The following SLC30A7 variants were observed in gnomAD, a reference collection of about 807,000 sequenced individuals.
The protein encoded by SLC30A7 is solute carrier family 30 member 7, also known as zinc transporter 7.
In SLC30A7, 35 loss-of-function variants were observed where a neutral mutation model predicts 46.0. The ratio of observed to expected loss-of-function variants is 0.76; its 90% CI spans 0.58 to 1.01. The LOEUF is 1.01. Among genes scored for constraint, SLC30A7 ranks in the 50% least tolerant of loss-of-function variants. SLC30A7 has a pLI of 0.00. For synonymous variants in SLC30A7, 147 were observed against 157.8 expected (o/e 0.93, Z 0.51); for missense variants, 464 against 451.1 (o/e 1.03, Z -0.26).
the SLC30A7 span, chr1:100,990,605 C>G: frequency 6.2e-7 from 1 of 1,613,944 alleles, no homozygotes; most frequent in Non-Finnish European, 8.5e-7. Flanking sequence ...CTGGCTAAGC[C>G]AACACAAAGT....
At chr1:100,990,344 C>T in the SLC30A7 span, 3 of 1,450,902 alleles carry the variant, frequency 2.1e-6, no homozygotes, top group South Asian at 1.2e-5. Flanking sequence ...GGTGGGGATA[C>T]ATCCAAACCA....
Position 100,976,561 on chromosome 1 carries a change from TA to T in SLC30A7, c.*1705del, listed in dbSNP as rs1558014405. On this transcript the variant is annotated 3_prime_UTR_variant, in exon 11 of 11. Transcript: ENST00000357650. ...AAGAGAAAATGATCTGATTTTCCCT[TA>T]TACTTCATTTTACAATACATATTCC... 1 of 152,346 alleles carries T rather than the reference TA, an allele frequency of 6.6e-6. No individual in the cohort carries two copies. The highest frequency in any genetic ancestry group is 1.9e-4 in the East Asian group (1 of 5,192). The allele number at this position is 152,346 out of a possible 1,614,324, so 9.4% of individuals were successfully genotyped here.
chr1:100,941,678 C>T, intron 8 of SLC30A7: 1 of 634,982 alleles, frequency 1.6e-6, no homozygotes, highest in Admixed American at 1.8e-5. Flanking sequence ...CTCTGAGAGT[C>T]TTCTCTTGAG....
Position 100,980,933 on chromosome 1 carries a change from C to T in SLC30A7, c.*6076C>T, listed in dbSNP as rs1338354279. ...GTCATCCAAAATGAAAGAGGTCTTT[C>T]TTGAAGGTGCTTTAAAGACATCACT... On this transcript the variant is annotated 3_prime_UTR_variant, in exon 11 of 11. Transcript: ENST00000357650. 6.6e-6 allele frequency: 1 copy of T among 152,020 alleles called. No homozygotes were observed. Among genetic ancestry groups the T allele is most frequent in the East Asian group, 1.9e-4 (1 of 5,198 alleles). 9.4% of individuals were successfully genotyped at this position (152,020 alleles called of 1,614,324 possible). A position where few individuals can be genotyped will look rare whatever the true frequency, so the allele number is the denominator to read the frequency against.
downstream of SLC30A7, among the ~76,000 whole-genome samples, chr1:100,983,382 A>C (rs1427888035): frequency 3.3e-4 from 48 of 144,228 alleles, 1 homozygote; most frequent in Non-Finnish European, 6.2e-4. Flanking sequence ...AGGCAAAAAA[A>C]AAAAAAAACA....
At chr1:100,955,191 A>C (rs1655163302) in intron 8 of SLC30A7, among the ~76,000 whole-genome samples, 1 of 151,998 alleles carries the variant, frequency 6.6e-6, no homozygotes, top group South Asian at 2.1e-4. Flanking sequence ...TGGTTTGTTT[A>C]TAATTACTGG....
intron 8 of SLC30A7, among the ~76,000 whole-genome samples, chr1:100,939,423 T>C (rs1654202341): frequency 1.3e-5 from 2 of 152,142 alleles, no homozygotes; most frequent in Admixed American, 1.3e-4. Flanking sequence ...ACCTCTTCAG[T>C]AGCAACAACA....
intron 8 of SLC30A7, among the ~76,000 whole-genome samples, chr1:100,939,896 A>G (rs1048615910): frequency 6.6e-6 from 1 of 152,048 alleles, no homozygotes; most frequent in African/African-American, 2.4e-5. Context: ...GTTTATTTAT[A>G]AAAGTTTTAA....
chr1:100,909,503 C>T (rs554003876), intron 3 of SLC30A7, among the ~76,000 whole-genome samples: 148 of 152,206 alleles, frequency 9.7e-4, no homozygotes, highest in African/African-American at 3.5e-3. Flanking sequence ...AGAATCTAAA[C>T]ACTAGCCATA....
intron 2 of SLC30A7, among the ~76,000 whole-genome samples, chr1:100,900,987 T>C (rs1651270823): frequency 6.6e-6 from 1 of 152,230 alleles, no homozygotes; most frequent in Non-Finnish European, 1.5e-5. Flanking sequence ...CATTTATCAA[T>C]ACATGGTCTA....
At chr1:100,946,513 A>G (rs1654645510) in intron 8 of SLC30A7, among the ~76,000 whole-genome samples, 1 of 152,148 alleles carries the variant, frequency 6.6e-6, no homozygotes, top group African/African-American at 2.4e-5. Context: ...GAATTTTGTC[A>G]AAGGCCTTTT....
chr1:100,963,561 G>A (rs1197359081), intron 9 of SLC30A7, among the ~76,000 whole-genome samples: 2 of 152,130 alleles, frequency 1.3e-5, no homozygotes, highest in East Asian at 1.9e-4. Flanking sequence ...AGAGAAATGA[G>A]TTGATAGCGG....
intron 2 of SLC30A7, among the ~76,000 whole-genome samples, chr1:100,901,124 C>T (rs975394611): frequency 6.6e-6 from 1 of 152,160 alleles, no homozygotes; most frequent in African/African-American, 2.4e-5. Flanking sequence ...CTTAACATAA[C>T]CCAAAACCAT....
At chr1:100,907,183 C>T (rs754056689) in intron 3 of SLC30A7, among the ~76,000 whole-genome samples, 6 of 152,092 alleles carry the variant, frequency 3.9e-5, no homozygotes, top group South Asian at 2.1e-4. Context: ...TTGGAATCTA[C>T]AGTAATTTGT....
Position 100,981,643 on chromosome 1 carries a change from C to T in SLC30A7, c.*6786C>T, listed in dbSNP as rs1656937320. Reference sequence around the variant, plus strand: ...CAACAAATCTATAATGTATATTTCACATTTTCTACTTGAACACATTCATGT... The same window carrying T: ...CAACAAATCTATAATGTATATTTCATATTTTCTACTTGAACACATTCATGT... On this transcript the variant is annotated 3_prime_UTR_variant, in exon 11 of 11. Coordinates refer to ENST00000357650, the MANE Select transcript of SLC30A7 (RefSeq NM_133496.5). 6.6e-6 allele frequency: 1 copy of T among 152,142 alleles called. No individual in the cohort carries two copies. The highest frequency in any genetic ancestry group is 1.5e-5 in the Non-Finnish European group (1 of 68,012). 9.4% of individuals were successfully genotyped at this position (152,142 alleles called of 1,614,324 possible).
intron 8 of SLC30A7, chr1:100,941,312 C>A: frequency 2.6e-6 from 1 of 380,834 alleles, no homozygotes; most frequent in Non-Finnish European, 5.1e-6. Flanking sequence ...ACTAAAGTTT[C>A]CACCACAACC....
intron 8 of SLC30A7, among the ~76,000 whole-genome samples, chr1:100,949,660 G>A (rs990080232): frequency 6.6e-6 from 1 of 152,192 alleles, no homozygotes; most frequent in African/African-American, 2.4e-5. Context: ...GAGCTGCGGT[G>A]GGCCCCTCCC....
chr1:100,907,119 C>T (rs1038792851), intron 3 of SLC30A7, among the ~76,000 whole-genome samples, 154 bp downstream of exon 3: 11 of 152,110 alleles, frequency 7.2e-5, no homozygotes, highest in African/African-American at 2.4e-4. Flanking sequence ...TTCCTACCTC[C>T]CCAAGGGTAA....
At chr1:100,918,455 T>G (rs1021711833) in intron 7 of SLC30A7, among the ~76,000 whole-genome samples, 1 of 152,158 alleles carries the variant, frequency 6.6e-6, no homozygotes, top group African/African-American at 2.4e-5. Flanking sequence ...CATATGAGAC[T>G]CGTATCTCAA....
Sources: gnomAD v4.1 joint callset for allele counts (sites outside exome capture counted in the v4.1 genomes callset) on GRCh38, gnomAD v4.1.1 for gene constraint, MANE v1.5 for transcripts, NCBI Gene and HGNC (gene_info 2026-07-23, HGNC 2026-07-21) for gene names.